The following CDKAL1 variants were observed in gnomAD, a reference collection of about 807,000 sequenced individuals.
The protein encoded by CDKAL1 is CDKAL1 threonylcarbamoyladenosine tRNA methylthiotransferase, also known as threonylcarbamoyladenosine tRNA methylthiotransferase.
In CDKAL1, 32 loss-of-function variants were observed where a neutral mutation model predicts 68.2. The ratio of observed to expected loss-of-function variants is 0.47; its 90% CI spans 0.35 to 0.63. The LOEUF is 0.63. Among genes scored for constraint, CDKAL1 ranks in the 30% least tolerant of loss-of-function variants. The pLI, the probability that CDKAL1 is intolerant of heterozygous loss-of-function variation, is 0.00. For missense variants in CDKAL1, 606 were observed against 696.7 expected, an observed-to-expected ratio of 0.87 and a Z score of 1.47; for synonymous variants, 234 against 244.3, an observed-to-expected ratio of 0.96 and a Z score of 0.39.
rs1214149859 is a variant in CDKAL1, at chr6:20,784,860, A to T, written c.638+3595A>T. On this transcript the variant is annotated intron_variant, in intron 8 of 15. Coordinates refer to ENST00000274695, the MANE Select transcript of CDKAL1 (RefSeq NM_017774.3). ...GAGTTCTTGTTGCTGTACATTAATT[A>T]AAAATTAATCTTAAAAATATTTAAA... Among the ~76,000 whole-genome samples the T allele has an allele frequency of 2.0e-5, 3 of 152,186 alleles. No individual in the cohort carries two copies. In the East Asian group the frequency reaches 5.8e-4, roughly 29 times the overall value.
chr6:20,997,075 A>C (rs1431802005), intron 10 of CDKAL1, among the ~76,000 whole-genome samples: 2 of 152,210 alleles, frequency 1.3e-5, no homozygotes, highest in African/African-American at 4.8e-5. Flanking sequence ...TTAAATGTTT[A>C]GTGGTGTGCT....
chr6:20,991,271 C>T (rs927494718), intron 10 of CDKAL1, among the ~76,000 whole-genome samples: 9 of 152,162 alleles, frequency 5.9e-5, no homozygotes, highest in Middle Eastern at 6.8e-3. Context: ...GCTTGAGGAG[C>T]AGTTATGGGA....
chr6:20,603,657 A>G (rs981982473), intron 4 of CDKAL1, among the ~76,000 whole-genome samples: 4 of 152,144 alleles, frequency 2.6e-5, no homozygotes, highest in African/African-American at 9.7e-5. Flanking sequence ...TGGTGAAGGA[A>G]GATCTTCCCA....
chr6:21,009,121 C>T (rs1561957791), intron 11 of CDKAL1, among the ~76,000 whole-genome samples: 1 of 152,124 alleles, frequency 6.6e-6, no homozygotes, highest in Non-Finnish European at 1.5e-5. Context: ...AAAATCTTAT[C>T]CCCATTTTAG....
chr6:20,898,515 C>T (rs1290846556), intron 9 of CDKAL1, among the ~76,000 whole-genome samples: 2 of 150,700 alleles, frequency 1.3e-5, no homozygotes, highest in Admixed American at 6.7e-5. Flanking sequence ...AGAATGAGCT[C>T]GTTTTTATAA....
At chr6:21,170,766 T>C (rs1411388062) in intron 13 of CDKAL1, among the ~76,000 whole-genome samples, 2 of 152,160 alleles carry the variant, frequency 1.3e-5, no homozygotes, top group Admixed American at 1.3e-4. Context: ...GAAAGCTTTG[T>C]GTAATTTACA....
chr6:20,613,085 CAT>C (rs1309672897), intron 4 of CDKAL1, among the ~76,000 whole-genome samples: 24 of 150,288 alleles, frequency 1.6e-4, no homozygotes, highest in Admixed American at 6.0e-4. Context: ...CACACACACA[CAT>C]ATATATATAC....
At chr6:20,679,052 G>A (rs537388133) in intron 5 of CDKAL1, among the ~76,000 whole-genome samples, 1 of 152,266 alleles carries the variant, frequency 6.6e-6, no homozygotes, top group Non-Finnish European at 1.5e-5. Context: ...CTACGGGAGT[G>A]TGTCACCACA....
intron 4 of CDKAL1, among the ~76,000 whole-genome samples, chr6:20,562,584 C>CA (rs1345733164): frequency 4.0e-5 from 6 of 151,450 alleles, no homozygotes; most frequent in Non-Finnish European, 8.8e-5. Context: ...ACTGAAAATA[C>CA]AAAAAAAATT....
At chr6:20,745,323 G>C (rs961209195) in intron 6 of CDKAL1, among the ~76,000 whole-genome samples, 5 of 152,184 alleles carry the variant, frequency 3.3e-5, no homozygotes, top group African/African-American at 1.2e-4. Context: ...GTTGCAAAAG[G>C]TAAACAAATT....
At chr6:20,832,242 C>T (rs773849247) in intron 8 of CDKAL1, among the ~76,000 whole-genome samples, 1 of 152,146 alleles carries the variant, frequency 6.6e-6, no homozygotes, top group Non-Finnish European at 1.5e-5. Flanking sequence ...TGATTTATAA[C>T]ATAACCATAT....
At chr6:21,163,701 A>G (rs1777021561) in intron 13 of CDKAL1, among the ~76,000 whole-genome samples, 1 of 152,198 alleles carries the variant, frequency 6.6e-6, no homozygotes, top group Non-Finnish European at 1.5e-5. Flanking sequence ...CTGTAATCCC[A>G]GCACTTCAGG....
chr6:20,618,745 C>T (rs935887307), intron 4 of CDKAL1, among the ~76,000 whole-genome samples: 5 of 151,900 alleles, frequency 3.3e-5, no homozygotes, highest in South Asian at 2.1e-4. Context: ...GTGGCGCAGT[C>T]TTGGCTCACT....
chr6:20,727,785 T>C (rs944020636), intron 5 of CDKAL1, among the ~76,000 whole-genome samples: 9 of 152,230 alleles, frequency 5.9e-5, no homozygotes, highest in African/African-American at 2.2e-4. Flanking sequence ...TGGTATATTC[T>C]TGTCCCCTTC....
chr6:21,175,421 G>A (rs936911123), intron 13 of CDKAL1, among the ~76,000 whole-genome samples: 1 of 152,120 alleles, frequency 6.6e-6, no homozygotes, highest in Non-Finnish European at 1.5e-5. Flanking sequence ...CCTCTTTGTT[G>A]AAACAACAAA....
rs1769889703 is a variant in CDKAL1, at chr6:20,672,437, C to T, written c.371+23060C>T. 2.0e-5 allele frequency among the ~76,000 whole-genome samples: 3 copies of T among 151,960 alleles called. No homozygotes were observed. The South Asian group carries it at 6.2e-4, about 31-fold the overall frequency. ...TGGTGCAATCTTGACTCACTGCAACCTCCACCTCCCAGATTCAAGCGATTC... is the reference window on the plus strand; with the variant it reads ...TGGTGCAATCTTGACTCACTGCAACTTCCACCTCCCAGATTCAAGCGATTC... On this transcript the variant is annotated intron_variant, in intron 5 of 15. Coordinates refer to ENST00000274695, the MANE Select transcript of CDKAL1 (RefSeq NM_017774.3).
At chr6:20,549,621 T>C (rs1461973360) in intron 4 of CDKAL1, among the ~76,000 whole-genome samples, 1 of 144,540 alleles carries the variant, frequency 6.9e-6, no homozygotes, top group Non-Finnish European at 1.5e-5. Flanking sequence ...TTTATTTATT[T>C]ACTTTGAGAT....
intron 5 of CDKAL1, among the ~76,000 whole-genome samples, chr6:20,703,113 G>C (rs1420245897): frequency 6.6e-6 from 1 of 152,218 alleles, no homozygotes; most frequent in Non-Finnish European, 1.5e-5. Context: ...ATTGTAAGTT[G>C]ACTTTTGGCA....
At chr6:21,013,245 C>T (rs1768117861) in intron 11 of CDKAL1, among the ~76,000 whole-genome samples, 1 of 152,144 alleles carries the variant, frequency 6.6e-6, no homozygotes, top group Admixed American at 6.5e-5. Context: ...AAATTTAATT[C>T]TAATTCACAA....
Sources: allele counts gnomAD v4.1 joint callset (sites outside exome capture counted in the v4.1 genomes callset), GRCh38; gene constraint gnomAD v4.1.1; transcripts MANE v1.5; gene names NCBI Gene and HGNC (gene_info 2026-07-23, HGNC 2026-07-21).